Variants in TRAF3IP1 observed in about 807,000 individuals in gnomAD.
TRAF3IP1 encodes the protein intraflagellar transport 54, also known as TRAF3-interacting protein 1.
A neutral mutation model predicts 89.9 loss-of-function variants in TRAF3IP1; 53 were observed. The ratio of observed to expected loss-of-function variants is 0.59; its 90% CI spans 0.47 to 0.74. The LOEUF is 0.74. Ranked by LOEUF, TRAF3IP1 falls within the 30% of genes least tolerant of loss-of-function variation. TRAF3IP1 has a pLI of 0.00. For missense variants in TRAF3IP1, 806 were observed against 866.1 expected (o/e 0.93, Z 0.87); for synonymous variants, 311 against 322.1 (o/e 0.97, Z 0.37).
At chr2:238,371,544 C>CA (rs1430051526) in intron 15 of TRAF3IP1, among the ~76,000 whole-genome samples, 2 of 152,012 alleles carry the variant, frequency 1.3e-5, no homozygotes, top group South Asian at 2.1e-4. Context: ...TGCAAGAGCT[C>CA]AAAAAAAGAT....
At chr2:238,349,276 G>A in intron 11 of TRAF3IP1, 49 bp from the exon 12 acceptor site, 2 of 1,559,978 alleles carry the variant, frequency 1.3e-6, no homozygotes, top group Non-Finnish European at 1.8e-6. Context: ...AGTTTGAAAT[G>A]TATAAGCCTT....
chr2:238,362,919 A>G (rs1370891735), intron 15 of TRAF3IP1, among the ~76,000 whole-genome samples: 1 of 152,250 alleles, frequency 6.6e-6, no homozygotes, highest in Non-Finnish European at 1.5e-5. Flanking sequence ...CGGAGATCAG[A>G]AACAGGGTCG....
chr2:238,368,712 C>T (rs1699985408), intron 15 of TRAF3IP1, among the ~76,000 whole-genome samples: 1 of 151,984 alleles, frequency 6.6e-6, no homozygotes, highest in African/African-American at 2.4e-5. Flanking sequence ...CTCTTGTTGC[C>T]CAGGCTGGAG....
intron 15 of TRAF3IP1, among the ~76,000 whole-genome samples, chr2:238,363,966 A>T (rs180839942): frequency 2.4e-4 from 37 of 152,312 alleles, no homozygotes; most frequent in East Asian, 1.2e-3. Flanking sequence ...TCTCAAAAAA[A>T]ATATATAAAT....
At chr2:238,373,051 C>A (rs1700173761) in intron 15 of TRAF3IP1, among the ~76,000 whole-genome samples, 1 of 152,018 alleles carries the variant, frequency 6.6e-6, no homozygotes, top group South Asian at 2.1e-4. Flanking sequence ...CAGATGGGTA[C>A]ATTGTAAAAA....
At chr2:238,369,567 T>G (rs1423299610) in intron 15 of TRAF3IP1, among the ~76,000 whole-genome samples, 2 of 152,208 alleles carry the variant, frequency 1.3e-5, no homozygotes, top group Non-Finnish European at 2.9e-5. Flanking sequence ...TGGTGTTTCC[T>G]TGTGATTAGA....
At chr2:238,366,125 G>T (rs903000430) in intron 15 of TRAF3IP1, among the ~76,000 whole-genome samples, 2 of 152,154 alleles carry the variant, frequency 1.3e-5, no homozygotes, top group South Asian at 2.1e-4. Flanking sequence ...CCAGCTACTC[G>T]GGAGGCTGAG....
intron 16 of TRAF3IP1, 30 bp from the exon 17 acceptor site, chr2:238,398,724 T>G (rs1236092395): frequency 8.4e-6 from 13 of 1,545,322 alleles, no homozygotes; most frequent in Non-Finnish European, 8.7e-6. Context: ...GATGAGAGAG[T>G]GATGAGCCGC....
intron 5 of TRAF3IP1, among the ~76,000 whole-genome samples, chr2:238,332,309 C>T (rs150410260): frequency 2.4e-4 from 36 of 152,168 alleles, no homozygotes; most frequent in African/African-American, 8.0e-4. Flanking sequence ...ATGGTGTTTA[C>T]GGTTTTCATG....
intron 15 of TRAF3IP1, among the ~76,000 whole-genome samples, chr2:238,371,161 C>T (rs934836317): frequency 5.9e-5 from 9 of 152,112 alleles, no homozygotes; most frequent in East Asian, 1.9e-4. Context: ...TTGTACTTTT[C>T]GTAAAGAGCG....
chr2:238,388,141 A>G (rs763052998), intron 15 of TRAF3IP1, among the ~76,000 whole-genome samples: 4 of 151,996 alleles, frequency 2.6e-5, no homozygotes, highest in Non-Finnish European at 5.9e-5. Flanking sequence ...TGTGGGGGCC[A>G]AGGTGGGTGG....
intron 15 of TRAF3IP1, among the ~76,000 whole-genome samples, chr2:238,361,617 C>G (rs533745417): frequency 6.6e-6 from 1 of 152,088 alleles, no homozygotes; most frequent in African/African-American, 2.4e-5. Flanking sequence ...CCAGGCACTA[C>G]GTGTTTCCGG....
chr2:238,347,670 C>T (rs1442755062), intron 10 of TRAF3IP1, among the ~76,000 whole-genome samples, 195 bp downstream of exon 10: 5 of 152,028 alleles, frequency 3.3e-5, no homozygotes, highest in Non-Finnish European at 7.4e-5. Context: ...TCTTGTTGCC[C>T]AGGCTGGAGT....
intron 8 of TRAF3IP1, among the ~76,000 whole-genome samples, chr2:238,339,886 G>C (rs1166375147): frequency 2.0e-5 from 3 of 152,242 alleles, no homozygotes; most frequent in Non-Finnish European, 4.4e-5. Flanking sequence ...GGACTGTGTA[G>C]GTAATATCAA....
intron 6 of TRAF3IP1, among the ~76,000 whole-genome samples, chr2:238,333,416 C>G (rs994085984): frequency 6.6e-6 from 1 of 152,056 alleles, no homozygotes; most frequent in Non-Finnish European, 1.5e-5. Context: ...AGCCAACTTT[C>G]GTAATCCAAT....
At chr2:238,325,400 TTGACTCCTCGCCTTAACGGA>T in intron 2 of TRAF3IP1, 26 bp downstream of exon 2, 2 of 1,613,198 alleles carry the variant, frequency 1.2e-6, no homozygotes, top group Non-Finnish European at 1.7e-6. Flanking sequence ...GCTTCTCCTA[TTGACTCCTCGCCTTAACGGA>T]TGGGATTTTT....
chr2:238,337,584 G>C (rs969103150), intron 7 of TRAF3IP1, among the ~76,000 whole-genome samples: 5 of 152,268 alleles, frequency 3.3e-5, no homozygotes, highest in African/African-American at 1.2e-4. Flanking sequence ...GCGCAGCGAG[G>C]AGGGGGCCAT....
rs536727776 is a variant in TRAF3IP1 at position 238,328,896 on chromosome 2, T to C, written c.499-30T>C. ...TCTTTTTGTAGTTTAGGTAAAAATA[T>C]TCATAAATGATTTTATTTTTATTTC... On this transcript the variant is annotated intron_variant, in intron 4 of 16. Transcript: ENST00000373327. The C allele has an allele frequency of 1.6e-5, 25 of 1,583,478 alleles. 1 individual carries two copies. In the South Asian group the frequency reaches 2.8e-4, roughly 18 times the overall value.
chr2:238,371,088 G>A (rs1054007014), intron 15 of TRAF3IP1, among the ~76,000 whole-genome samples: 5 of 152,226 alleles, frequency 3.3e-5, no homozygotes, highest in African/African-American at 9.6e-5. Context: ...TGATAAGAAC[G>A]AAGTTTACTA....
Sources: allele counts gnomAD v4.1 joint callset (sites outside exome capture counted in the v4.1 genomes callset), GRCh38; gene constraint gnomAD v4.1.1; transcripts MANE v1.5; gene names NCBI Gene and HGNC (gene_info 2026-07-23, HGNC 2026-07-21).